Variants in DMXL2 observed in about 807,000 individuals in gnomAD.
The protein encoded by DMXL2 is dmX-like protein 2.
Under a neutral mutation model 331.1 loss-of-function variants are expected in DMXL2, and 103 were observed. The ratio of observed to expected loss-of-function variants is 0.31; its 90% CI spans 0.27 to 0.37. The LOEUF is 0.37. Ranked by LOEUF, DMXL2 falls within the 10% of genes least tolerant of loss-of-function variation. The probability of loss-of-function intolerance (pLI) is 1.00; values close to 1 mark genes in which losing one functional copy is unlikely to be tolerated. For synonymous variants in DMXL2, 1,281 were observed against 1,252.1 expected (o/e 1.02, Z -0.49); for missense variants, 3,171 against 3,642.9 (o/e 0.87, Z 3.33).
At chr15:51,535,343 A>T (rs2048228976) in intron 13 of DMXL2, among the ~76,000 whole-genome samples, 1 of 152,126 alleles carries the variant, frequency 6.6e-6, no homozygotes, top group Non-Finnish European at 1.5e-5. Flanking sequence ...ATGCCTTAAA[A>T]CTTCTTTTAA....
chr15:51,504,132 T>C (rs762547756), intron 16 of DMXL2, among the ~76,000 whole-genome samples: 43 of 152,206 alleles, frequency 2.8e-4, no homozygotes, highest in Middle Eastern at 3.4e-3. Flanking sequence ...TTAGATGATA[T>C]GGGGTAGATC....
chr15:51,480,737 G>A lies in DMXL2; in HGVS notation c.6369C>T (p.Ser2123=). The change falls in exon 24 of 44, where the codon TCC becomes TCT. Residue 2123 remains serine (S), a synonymous_variant. Coordinates refer to ENST00000560891, the MANE Select transcript of DMXL2 (RefSeq NM_001378457.1). ...EEMVDKPDIG[S]YERHQIERRR... ...TTCTTTCTATTTGATGGCGCTCATA[G>A]GAACCAATATCTGGTTTGTCTACCA... is the stretch of plus-strand genomic sequence containing the variant. 6.2e-7 allele frequency: 1 copy of A among 1,602,330 alleles called. No individual in the cohort carries two copies. The highest frequency in any genetic ancestry group is 8.5e-7 in the Non-Finnish European group (1 of 1,171,850).
chr15:51,590,650 C>G (rs538816140), intron 1 of DMXL2, among the ~76,000 whole-genome samples: 1 of 152,196 alleles, frequency 6.6e-6, no homozygotes, highest in East Asian at 1.9e-4. Context: ...ACCTCAGCCT[C>G]CCAAGTAGCT....
At chr15:51,494,577 T>A (rs2043038812) in intron 19 of DMXL2, among the ~76,000 whole-genome samples, 1 of 152,210 alleles carries the variant, frequency 6.6e-6, no homozygotes, top group Non-Finnish European at 1.5e-5. Context: ...ACAAATCCAC[T>A]GTTATCAATA....
At chr15:51,538,490 A>G (rs1221630143) in intron 9 of DMXL2, 38 bp from the exon 10 acceptor site, 15 of 1,484,232 alleles carry the variant, frequency 1.0e-5, no homozygotes, top group Admixed American at 2.2e-5. Flanking sequence ...AATTTTTTTT[A>G]TTTCTTTAAA....
chr15:51,552,593 C>G (rs962848244), intron 6 of DMXL2, among the ~76,000 whole-genome samples: 1 of 152,078 alleles, frequency 6.6e-6, no homozygotes, highest in African/African-American at 2.4e-5. Context: ...AACCTTTTTT[C>G]TTGGCTTCTC....
Position 51,612,549 on chromosome 15 carries a change from G to A in DMXL2, c.87+9910C>T, listed in dbSNP as rs534311175. Among the ~76,000 whole-genome samples the A allele has an allele frequency of 7.9e-5, 12 of 152,228 alleles. No individual in the cohort carries two copies. The South Asian group carries it at 1.2e-3, about 16-fold the overall frequency. The stretch of plus-strand genomic sequence containing the variant: ...CAGGTTCCGTGATGCCCCCCAAGCC[G>A]CAAAACCAGCAAGTTTTTATTAGTG... On this transcript the variant is annotated intron_variant, in intron 1 of 43. Coordinates refer to ENST00000560891, the MANE Select transcript of DMXL2 (RefSeq NM_001378457.1).
At chr15:51,450,091 C>CA (rs1178652429) in intron 43 of DMXL2, 38 bp downstream of exon 43, 10 of 1,559,014 alleles carry the variant, frequency 6.4e-6, no homozygotes, top group Non-Finnish European at 7.9e-6. Flanking sequence ...TCTTTCCAAT[C>CA]AGTCTTTAGC....
chr15:51,578,655 AC>A (rs1445619434), intron 1 of DMXL2, among the ~76,000 whole-genome samples: 18 of 152,342 alleles, frequency 1.2e-4, no homozygotes, highest in African/African-American at 4.3e-4. Context: ...TCCCTATTTT[AC>A]CCTATAAGTA....
At chr15:51,519,383 A>C (rs1043851618) in intron 13 of DMXL2, among the ~76,000 whole-genome samples, 69 of 152,162 alleles carry the variant, frequency 4.5e-4, no homozygotes, top group African/African-American at 1.7e-3. Flanking sequence ...CTCCCAAAGC[A>C]CTGGGATTAC....
rs886983217 is a variant in DMXL2 at position 51,566,462 on chromosome 15, C to T, written c.286-1296G>A. On this transcript the variant is annotated intron_variant, in intron 3 of 43. Coordinates refer to ENST00000560891, the MANE Select transcript of DMXL2 (RefSeq NM_001378457.1). ...ATAATTCCTAAAATTATAGACATCC[C>T]TAATATTCTTTCCTTTAGTGTTCCT... Among the ~76,000 whole-genome samples, 4 of 152,050 alleles carry T rather than the reference C, an allele frequency of 2.6e-5. No individual in the cohort carries two copies. The South Asian group carries it at 6.2e-4, about 24-fold the overall frequency.
At chr15:51,575,614 A>G (rs1283802053) in intron 2 of DMXL2, among the ~76,000 whole-genome samples, 2 of 152,194 alleles carry the variant, frequency 1.3e-5, no homozygotes, top group African/African-American at 4.8e-5. Context: ...ATCTTTCATT[A>G]TGTTAACAGA....
At chr15:51,474,107 A>T (rs2041364014) in intron 28 of DMXL2, among the ~76,000 whole-genome samples, 1 of 151,020 alleles carries the variant, frequency 6.6e-6, no homozygotes, top group Non-Finnish European at 1.5e-5. Flanking sequence ...TCTATTTTTA[A>T]TCTTCTTCAA....
chr15:51,548,910 T>C (rs1325458353), intron 6 of DMXL2, among the ~76,000 whole-genome samples: 2 of 151,880 alleles, frequency 1.3e-5, no homozygotes, highest in Non-Finnish European at 2.9e-5. Context: ...ATGAGGGAAA[T>C]TCCTAGCTTT....
intron 6 of DMXL2, among the ~76,000 whole-genome samples, chr15:51,562,090 T>C (rs1266986413): frequency 6.6e-6 from 1 of 152,172 alleles, no homozygotes; most frequent in Non-Finnish European, 1.5e-5. Flanking sequence ...AATAATATAT[T>C]GTACATTTCA....
intron 1 of DMXL2, among the ~76,000 whole-genome samples, chr15:51,608,586 C>G (rs2053751882): frequency 6.6e-6 from 1 of 152,024 alleles, no homozygotes; most frequent in African/African-American, 2.4e-5. Context: ...ATAGATGCCA[C>G]AGCATACTTA....
intron 13 of DMXL2, among the ~76,000 whole-genome samples, chr15:51,520,410 T>C (rs1181554551): frequency 2.6e-5 from 4 of 152,228 alleles, no homozygotes; most frequent in African/African-American, 7.2e-5. Flanking sequence ...ATGTATACTT[T>C]AAACATTTTG....
At chr15:51,467,285 A>C (rs1021149464) in intron 29 of DMXL2, among the ~76,000 whole-genome samples, 1 of 152,182 alleles carries the variant, frequency 6.6e-6, no homozygotes, top group Non-Finnish European at 1.5e-5. Flanking sequence ...GGATAGATCT[A>C]ATTTTTAAAC....
intron 1 of DMXL2, among the ~76,000 whole-genome samples, chr15:51,585,664 G>C (rs2051763034): frequency 6.6e-6 from 1 of 152,176 alleles, no homozygotes; most frequent in Non-Finnish European, 1.5e-5. Flanking sequence ...GCCCCAAGCT[G>C]TATAAAAGTA....
Sources: gnomAD v4.1 joint callset for allele counts (sites outside exome capture counted in the v4.1 genomes callset) on GRCh38, gnomAD v4.1.1 for gene constraint, MANE v1.5 for transcripts, NCBI Gene and HGNC (gene_info 2026-07-23, HGNC 2026-07-21) for gene names.